NKAIN2: variants seen among roughly 807,000 people sequenced by gnomAD.
NKAIN2 encodes sodium/potassium-transporting ATPase subunit beta-1-interacting protein 2.
NKAIN2 carries 14 observed loss-of-function variants against 32.6 expected under a neutral mutation model. That is an observed-to-expected ratio of 0.43 (90% CI 0.28 to 0.67). The LOEUF (loss-of-function observed/expected upper bound fraction) is 0.67, where lower values mean the gene tolerates loss of function less well. Among genes scored for constraint, NKAIN2 ranks in the 30% least tolerant of loss-of-function variants. The probability of loss-of-function intolerance (pLI) is 0.17; values close to 1 mark genes in which losing one functional copy is unlikely to be tolerated. For synonymous variants in NKAIN2, 80 were observed against 87.2 expected, an observed-to-expected ratio of 0.92 and a Z score of 0.46; for missense variants, 198 against 258.3, an observed-to-expected ratio of 0.77 and a Z score of 1.60.
intron 4 of NKAIN2, among the ~76,000 whole-genome samples, chr6:124,661,479 C>T (rs1393291004): frequency 6.6e-6 from 1 of 152,198 alleles, no homozygotes; most frequent in Non-Finnish European, 1.5e-5. Context: ...CGGTTTTCTG[C>T]CAATCAACTC....
At chr6:124,263,680 C>T (rs774781916) in intron 1 of NKAIN2, among the ~76,000 whole-genome samples, 4 of 151,502 alleles carry the variant, frequency 2.6e-5, no homozygotes, top group Admixed American at 1.3e-4. Context: ...GTTTGTAAAC[C>T]GTATCATCTA....
intron 1 of NKAIN2, among the ~76,000 whole-genome samples, chr6:124,258,500 G>A (rs913761129): frequency 7.2e-5 from 11 of 152,132 alleles, no homozygotes; most frequent in African/African-American, 2.7e-4. Flanking sequence ...AAAGCAAAAT[G>A]ATAAACGATA....
At chr6:123,845,169 T>A (rs1292141341) in intron 1 of NKAIN2, among the ~76,000 whole-genome samples, 2 of 152,214 alleles carry the variant, frequency 1.3e-5, no homozygotes, top group East Asian at 3.8e-4. Flanking sequence ...GTACTTCTAT[T>A]TGCTGGTAGC....
chr6:124,410,718 G>A (rs965214578), intron 3 of NKAIN2, among the ~76,000 whole-genome samples: 3 of 152,156 alleles, frequency 2.0e-5, no homozygotes, highest in Non-Finnish European at 2.9e-5. Context: ...AGGTCCGCTT[G>A]GTGCAGAGCT....
intron 1 of NKAIN2, among the ~76,000 whole-genome samples, chr6:123,904,109 T>C (rs1219972253): frequency 1.3e-5 from 2 of 151,986 alleles, no homozygotes; most frequent in Non-Finnish European, 2.9e-5. Flanking sequence ...TGCATGCCTG[T>C]AATCTCAGCT....
chr6:123,869,191 C>G (rs968055490), intron 1 of NKAIN2, among the ~76,000 whole-genome samples: 2 of 152,178 alleles, frequency 1.3e-5, no homozygotes, highest in African/African-American at 4.8e-5. Context: ...TGTCATTAAA[C>G]TCAGTTACTC....
At chr6:124,490,767 G>T (rs1047059239) in intron 3 of NKAIN2, among the ~76,000 whole-genome samples, 3 of 151,718 alleles carry the variant, frequency 2.0e-5, no homozygotes, top group Non-Finnish European at 3.0e-5. Flanking sequence ...AGAACACAGT[G>T]TAATACAATT....
intron 4 of NKAIN2, among the ~76,000 whole-genome samples, chr6:124,748,795 T>G (rs1338873791): frequency 6.6e-6 from 1 of 151,816 alleles, no homozygotes; most frequent in East Asian, 1.9e-4. Context: ...AAATCTTTTC[T>G]TAGAACCAGT....
At chr6:123,923,005 AG>A (rs1775824752) in intron 1 of NKAIN2, among the ~76,000 whole-genome samples, 1 of 152,192 alleles carries the variant, frequency 6.6e-6, no homozygotes, top group Non-Finnish European at 1.5e-5. Context: ...TGGGCTCTAG[AG>A]TCAGACTGCT....
intron 1 of NKAIN2, among the ~76,000 whole-genome samples, chr6:124,072,029 G>A (rs1783490437): frequency 6.6e-6 from 1 of 152,070 alleles, no homozygotes; most frequent in Non-Finnish European, 1.5e-5. Flanking sequence ...GCACTCCTAT[G>A]TTCACTGCAG....
intron 3 of NKAIN2, among the ~76,000 whole-genome samples, chr6:124,394,200 C>A (rs1430794495): frequency 1.3e-5 from 2 of 151,788 alleles, no homozygotes; most frequent in Admixed American, 1.3e-4. Flanking sequence ...TGACTTTGGG[C>A]AAATCATGTG....
intron 4 of NKAIN2, among the ~76,000 whole-genome samples, chr6:124,715,333 G>A (rs1401638095): frequency 6.6e-6 from 1 of 152,144 alleles, no homozygotes; most frequent in Non-Finnish European, 1.5e-5. Context: ...GGTCACATGG[G>A]AGATACAGGT....
chr6:124,394,919 C>T lies in NKAIN2; in HGVS notation c.273+39572C>T, dbSNP rs186828619. Among the ~76,000 whole-genome samples the T allele has an allele frequency of 3.3e-5, 5 of 152,182 alleles. No homozygotes were observed. The East Asian group carries it at 9.7e-4, about 29-fold the overall frequency. ...CCCCAGAAGATTGTGCTTCATTGCT[C>T]AGAAAAGCTTTTCTTGGCCATGCGG... On this transcript the variant is annotated intron_variant, in intron 3 of 6. Coordinates refer to ENST00000368417, the MANE Select transcript of NKAIN2 (RefSeq NM_001040214.3).
chr6:123,987,640 G>A (rs1284409023), intron 1 of NKAIN2, among the ~76,000 whole-genome samples: 1 of 152,150 alleles, frequency 6.6e-6, no homozygotes, highest in Non-Finnish European at 1.5e-5. Flanking sequence ...TAAGTCTAAG[G>A]TTCTCCTTTC....
At chr6:124,213,810 A>C (rs1791314445) in intron 1 of NKAIN2, among the ~76,000 whole-genome samples, 1 of 152,158 alleles carries the variant, frequency 6.6e-6, no homozygotes, top group African/African-American at 2.4e-5. Flanking sequence ...ATCTATAGTC[A>C]ATCTGTGGTT....
chr6:124,732,111 A>T (rs1035394973), intron 4 of NKAIN2, among the ~76,000 whole-genome samples: 1 of 152,044 alleles, frequency 6.6e-6, no homozygotes, highest in African/African-American at 2.4e-5. Context: ...TGAAAATTCC[A>T]TAGAACTTTA....
intron 1 of NKAIN2, among the ~76,000 whole-genome samples, chr6:124,080,838 T>A (rs1562346683): frequency 1.3e-5 from 2 of 152,256 alleles, no homozygotes; most frequent in East Asian, 3.9e-4. Flanking sequence ...AACATCCTGG[T>A]GTTACAAATT....
intron 4 of NKAIN2, among the ~76,000 whole-genome samples, chr6:124,754,866 A>G (rs1259093175): frequency 1.3e-5 from 2 of 152,186 alleles, no homozygotes; most frequent in Non-Finnish European, 2.9e-5. Context: ...TCACAATAGC[A>G]AAGACATGGA....
chr6:124,105,601 T>C (rs938162347), intron 1 of NKAIN2, among the ~76,000 whole-genome samples: 3 of 152,212 alleles, frequency 2.0e-5, no homozygotes, highest in Non-Finnish European at 4.4e-5. Flanking sequence ...TGTATTCCAA[T>C]ATAGATTGAT....
Sources: gnomAD v4.1 joint callset for allele counts (sites outside exome capture counted in the v4.1 genomes callset) on GRCh38, gnomAD v4.1.1 for gene constraint, MANE v1.5 for transcripts, NCBI Gene and HGNC (gene_info 2026-07-23, HGNC 2026-07-21) for gene names.